SOX13: variants seen among roughly 807,000 people sequenced by gnomAD.
SOX13 encodes SRY-box transcription factor 13.
A neutral mutation model predicts 71.8 loss-of-function variants in SOX13; 28 were observed. The ratio of observed to expected loss-of-function variants is 0.39; its 90% CI spans 0.29 to 0.53. SOX13 has a LOEUF of 0.53. Among genes scored for constraint, SOX13 ranks in the 20% least tolerant of loss-of-function variants. The pLI, the probability that SOX13 is intolerant of heterozygous loss-of-function variation, is 0.70. For missense variants in SOX13, 627 were observed against 810.3 expected (o/e 0.77, Z 2.75); for synonymous variants, 309 against 317.8 (o/e 0.97, Z 0.29).
At chr1:204,116,130 T>A in intron 4 of SOX13, 2 of 1,208,580 alleles carry the variant, frequency 1.7e-6, no homozygotes, top group Non-Finnish European at 2.1e-6. Context: ...CCTGTCTTGC[T>A]TCAAAGCCTG....
At position 204,114,347 on chromosome 1, in the gene SOX13, G is replaced by T. The variant is rs780374784; in HGVS notation, c.246G>T (p.Gly82=). Residue 82 remains glycine, a synonymous_variant, in exon 3 of 14, where the codon GGG becomes GGT. Transcript: ENST00000367204. ...SWDCSSPEGN[G]SPEPKRPGVS... ...ACTGTAGCTCTCCAGAGGGTAATGG[G>T]TCCCCAGAACCCAAGAGACCAGGAG... The T allele has an allele frequency of 6.2e-7, 1 of 1,609,882 alleles. No homozygotes were observed. Among genetic ancestry groups the T allele is most frequent in the Non-Finnish European group, 8.5e-7 (1 of 1,177,980 alleles).
At chr1:204,114,214 G>C in intron 2 of SOX13, 107 bp from the exon 3 acceptor site, 1 of 674,280 alleles carries the variant, frequency 1.5e-6, no homozygotes. Context: ...GTAGGACTTG[G>C]ATAGGGCTGG....
At chr1:204,122,824 C>G (rs1311466615) in intron 9 of SOX13, 30 bp from the exon 10 acceptor site, 1 of 1,389,306 alleles carries the variant, frequency 7.2e-7, no homozygotes, top group Admixed American at 2.2e-5. Context: ...TCTCTCGCTT[C>G]TCTTCCCTCT....
intron 1 of SOX13, among the ~76,000 whole-genome samples, chr1:204,105,694 G>T (rs935906593): frequency 6.6e-6 from 1 of 152,054 alleles, no homozygotes; most frequent in Non-Finnish European, 1.5e-5. Context: ...ATATGAGTCC[G>T]GCCATTCTAT....
chr1:204,121,030 AGTGCAGTG>A (rs1656792217), intron 7 of SOX13, among the ~76,000 whole-genome samples: 1 of 146,166 alleles, frequency 6.8e-6, no homozygotes, highest in Non-Finnish European at 1.5e-5. Context: ...CCCAGGTTGG[AGTGCAGTG>A]GTGCAATCTC....
At chr1:204,110,153 A>G (rs1233186432) in intron 1 of SOX13, among the ~76,000 whole-genome samples, 9 of 151,686 alleles carry the variant, frequency 5.9e-5, no homozygotes, top group African/African-American at 2.2e-4. Flanking sequence ...TTTCTGAGAT[A>G]GGGCCTTGCT....
chr1:204,109,162 G>A (rs897355190), intron 1 of SOX13, among the ~76,000 whole-genome samples: 8 of 152,192 alleles, frequency 5.3e-5, no homozygotes, highest in African/African-American at 1.9e-4. Flanking sequence ...CTGCATCTAG[G>A]TGGGATGGGG....
In SOX13 at chr1:204,126,291, A is replaced by C; in HGVS notation, c.*157A>C. The C allele has an allele frequency of 1.3e-6, 1 of 795,218 alleles. No homozygotes were observed. Among genetic ancestry groups the C allele is most frequent in the Non-Finnish European group, 2.0e-6 (1 of 504,532 alleles). The allele number at this position is 795,218 out of a possible 1,614,324, so 49.3% of individuals were successfully genotyped here. ...CACTTGCAGATACATTCATGAGGGG[A>C]GAGGCGCCCTCCCTTCCTGAGGAGC... On this transcript the variant is annotated 3_prime_UTR_variant, in exon 14 of 14. Coordinates refer to ENST00000367204, the MANE Select transcript of SOX13 (RefSeq NM_005686.3).
In SOX13 at chr1:204,126,522, T is replaced by TTTAATGATAC; in HGVS notation, c.*388_*389insTTAATGATAC. The TTTAATGATAC allele has an allele frequency of 3.9e-6, 1 of 254,606 alleles. No homozygotes were observed. The highest frequency in any genetic ancestry group is 7.7e-6 in the Non-Finnish European group (1 of 130,424). 15.8% of individuals were successfully genotyped at this position (254,606 alleles called of 1,614,324 possible). ...CTTGTCCTGGCTGGACCAGCCACTG[T>TTTAATGATAC]GGGACCAACACCCCTCCCACACTCC... On this transcript the variant is annotated 3_prime_UTR_variant, in exon 14 of 14. Coordinates refer to ENST00000367204, the MANE Select transcript of SOX13 (RefSeq NM_005686.3).
chr1:204,083,158 G>T (rs1203862501), intron 1 of SOX13, among the ~76,000 whole-genome samples: 1 of 152,188 alleles, frequency 6.6e-6, no homozygotes, highest in Non-Finnish European at 1.5e-5. Flanking sequence ...TGTGTGTGTA[G>T]TGGGGAAGGG....
chr1:204,113,097 C>T lies in SOX13; in HGVS notation c.182C>T (p.Pro61Leu). 6.3e-7 allele frequency: 1 copy of T among 1,585,614 alleles called. No homozygotes were observed. The change falls in exon 2 of 14, where the codon CCC (proline) becomes CTC (leucine). Residue 61 changes from proline (P) to leucine (L), a missense_variant. Pro to Leu is a moderately conservative substitution (Grantham distance 98). This residue lies in a region of SOX13 where 447 missense variants were observed against 532.2 expected (regional missense o/e 0.84). Transcript: ENST00000367204. ...PARASQDSAD[P>L]QAPAQGNFRG... is the part of the protein sequence containing the mutation. ...CGGGCCTCCCAGGATAGTGCTGACC[C>T]CCAAGCTCCAGCCCAGGGGAATTTC...
At chr1:204,076,574 ACT>A (rs1655790115) in intron 1 of SOX13, among the ~76,000 whole-genome samples, 1 of 152,074 alleles carries the variant, frequency 6.6e-6, no homozygotes, top group South Asian at 2.1e-4. Flanking sequence ...CTGATTCAGG[ACT>A]CTGCAAATGC....
At chr1:204,119,119 G>A (rs1295076580) in intron 7 of SOX13, 1 of 152,358 alleles carries the variant, frequency 6.6e-6, no homozygotes, top group Non-Finnish European at 1.5e-5. Context: ...AGGCCTATAG[G>A]CCATGGGCTT....
chr1:204,101,380 T>C (rs1268116281), intron 1 of SOX13, among the ~76,000 whole-genome samples: 1 of 151,976 alleles, frequency 6.6e-6, no homozygotes, highest in East Asian at 1.9e-4. Context: ...AGAAGGGCCT[T>C]AGATGGCTGG....
At chr1:204,077,211 T>C (rs1343503646) in intron 1 of SOX13, among the ~76,000 whole-genome samples, 2 of 152,130 alleles carry the variant, frequency 1.3e-5, no homozygotes, top group African/African-American at 4.8e-5. Context: ...GGGCAACAGC[T>C]ATGTGGCTGG....
At chr1:204,084,461 G>A (rs1335811133) in intron 1 of SOX13, among the ~76,000 whole-genome samples, 1 of 152,196 alleles carries the variant, frequency 6.6e-6, no homozygotes. Context: ...GGGTGATTGT[G>A]CTTGGCCAGC....
chr1:204,085,669 T>C (rs1159343055), intron 1 of SOX13, among the ~76,000 whole-genome samples: 1 of 140,582 alleles, frequency 7.1e-6, no homozygotes, highest in African/African-American at 2.6e-5. Flanking sequence ...AAGCAGAAAG[T>C]GCATATTTAA....
chr1:204,111,505 C>T (rs1656579017), intron 1 of SOX13, among the ~76,000 whole-genome samples: 1 of 152,162 alleles, frequency 6.6e-6, no homozygotes. Flanking sequence ...TTGCTCAGCT[C>T]CTCAGATGTC....
At chr1:204,121,499 T>C (rs1481434640) in intron 7 of SOX13, among the ~76,000 whole-genome samples, 3 of 152,238 alleles carry the variant, frequency 2.0e-5, no homozygotes, top group African/African-American at 7.2e-5. Flanking sequence ...ATACCATGTA[T>C]TATTGTCAGA....
Sources: allele counts gnomAD v4.1 joint callset (sites outside exome capture counted in the v4.1 genomes callset), GRCh38; gene constraint gnomAD v4.1.1; regional missense constraint gnomAD v4.1.1; transcripts MANE v1.5; gene names NCBI Gene and HGNC (gene_info 2026-07-23, HGNC 2026-07-21).